ARSG: variants seen among roughly 807,000 people sequenced by gnomAD.
ARSG encodes the protein arylsulfatase G.
In ARSG, 37 loss-of-function variants were observed where a neutral mutation model predicts 50.5. That is an observed-to-expected ratio of 0.73 (90% CI 0.56 to 0.96). The LOEUF (loss-of-function observed/expected upper bound fraction) is 0.96. ARSG is among the 50% of genes least tolerant of loss of function. The probability of loss-of-function intolerance (pLI) is 0.00; values close to 1 mark genes in which losing one functional copy is unlikely to be tolerated. For missense variants in ARSG, 629 were observed against 675.3 expected (o/e 0.93, Z 0.76); for synonymous variants, 225 against 254.6 (o/e 0.88, Z 1.11).
At chr17:68,426,238 C>CGGGGGGGGGGGGGGG, downstream of ARSG, 2 of 615,190 alleles carry the variant, frequency 3.3e-6, no homozygotes, top group Non-Finnish European at 4.7e-6. Context: ...CATGACCTGG[C>CGGGGGGGGGGGGGGG]GGGTGGGGAG....
chr17:68,344,989 G>T (rs1279195883), intron 3 of ARSG, among the ~76,000 whole-genome samples: 1 of 152,174 alleles, frequency 6.6e-6, no homozygotes, highest in East Asian at 1.9e-4. Context: ...GGCATTCTTT[G>T]TCCCAGAAGG....
At chr17:68,266,900 T>G (rs2075177186) in intron 1 of ARSG, 1 of 152,092 alleles carries the variant, frequency 6.6e-6, no homozygotes, top group African/African-American at 2.4e-5. Flanking sequence ...AGTTAAAAGG[T>G]TTTGCAGAAG....
At chr17:68,398,462 A>G (rs2081345108) in intron 10 of ARSG, among the ~76,000 whole-genome samples, 1 of 152,228 alleles carries the variant, frequency 6.6e-6, no homozygotes, top group Admixed American at 6.5e-5. Context: ...TGTCTGTAAC[A>G]TATGCATACA....
chr17:68,319,140 G>A (rs2145814411), intron 2 of ARSG, among the ~76,000 whole-genome samples: 1 of 152,252 alleles, frequency 6.6e-6, no homozygotes, highest in African/African-American at 2.4e-5. Context: ...ACCAATATTA[G>A]GGAGAGCAGG....
intron 9 of ARSG, among the ~76,000 whole-genome samples, chr17:68,394,793 G>A (rs2081159998): frequency 6.6e-6 from 1 of 152,176 alleles, no homozygotes; most frequent in African/African-American, 2.4e-5. Context: ...ATTGAAAACT[G>A]AGGCATTGAG....
chr17:68,291,566 A>C lies in ARSG; in HGVS notation c.-554A>C, dbSNP rs1276258707. 1 of 149,662 alleles carries C rather than the reference A, an allele frequency of 6.7e-6. No homozygotes were observed. The highest frequency in any genetic ancestry group is 1.5e-5 in the Non-Finnish European group (1 of 67,294). 9.3% of individuals were successfully genotyped at this position (149,662 alleles called of 1,614,324 possible). A position where few individuals can be genotyped will look rare whatever the true frequency, so the allele number is the denominator to read the frequency against. ...CTGCCGCCTGGGCTGGGGGTCACGAAAGGTAACCGCGTCGCGGTCCGGGGC... is the reference window on the plus strand; with the variant it reads ...CTGCCGCCTGGGCTGGGGGTCACGACAGGTAACCGCGTCGCGGTCCGGGGC... On this transcript the variant is annotated splice_region_variant and 5_prime_UTR_variant, in exon 1 of 12. Transcript: ENST00000621439.
chr17:68,426,254 G>GGGGGGGGGGCCCCCCCCCCCC, downstream of ARSG: 1 of 816,914 alleles, frequency 1.2e-6, no homozygotes, highest in Non-Finnish European at 1.9e-6. Context: ...GGGAGCGGGG[G>GGGGGGGGGGCCCCCCCCCCCC]CTCAAATAAA....
chr17:68,263,840 G>T (rs1395783106), intron 1 of ARSG, among the ~76,000 whole-genome samples: 3 of 152,056 alleles, frequency 2.0e-5, no homozygotes, highest in African/African-American at 7.2e-5. Context: ...TAAGGATCAT[G>T]ATTTCTTTTT....
chr17:68,350,873 G>T (rs1168021126), intron 4 of ARSG, among the ~76,000 whole-genome samples: 1 of 152,136 alleles, frequency 6.6e-6, no homozygotes, highest in Non-Finnish European at 1.5e-5. Flanking sequence ...GAACTCAGAA[G>T]AAAACTTCAA....
At chr17:68,377,184 A>G (rs1377195326) in intron 8 of ARSG, among the ~76,000 whole-genome samples, 1 of 152,098 alleles carries the variant, frequency 6.6e-6, no homozygotes, top group Non-Finnish European at 1.5e-5. Flanking sequence ...CTTTATTCCA[A>G]CCACCTTATT....
At chr17:68,279,835 A>C (rs2075636180) in intron 1 of ARSG, among the ~76,000 whole-genome samples, 1 of 152,242 alleles carries the variant, frequency 6.6e-6, no homozygotes, top group Non-Finnish European at 1.5e-5. Flanking sequence ...TATCTATAAT[A>C]ATCAATGAGT....
intron 1 of ARSG, among the ~76,000 whole-genome samples, chr17:68,262,442 A>G (rs1481865876): frequency 1.4e-4 from 21 of 151,906 alleles, no homozygotes; most frequent in Admixed American, 2.0e-4. Flanking sequence ...CTGCACTCCA[A>G]CCTGGGCGAC....
chr17:68,443,406 C>T, the ARSG span, among the ~76,000 whole-genome samples: 1 of 152,210 alleles, frequency 6.6e-6, no homozygotes, highest in African/African-American at 2.4e-5. Context: ...AGCCACCGCA[C>T]CCGGCTAGCT....
At chr17:68,329,713 C>T (rs2077647363) in intron 2 of ARSG, among the ~76,000 whole-genome samples, 1 of 152,132 alleles carries the variant, frequency 6.6e-6, no homozygotes, top group South Asian at 2.1e-4. Flanking sequence ...GGACTAATCG[C>T]AGGGGTGTCT....
At chr17:68,437,012 A>ATGTGTGTGTG in the ARSG span, among the ~76,000 whole-genome samples, 339 of 82,060 alleles carry the variant, frequency 4.1e-3, 3 homozygotes, top group African/African-American at 0.015. Context: ...AAAAATATAT[A>ATGTGTGTGTG]TATATGTGTG....
At chr17:68,427,156 A>T (rs1160172279), downstream of ARSG, 16 of 1,613,954 alleles carry the variant, frequency 9.9e-6, no homozygotes, top group Non-Finnish European at 1.4e-5. Context: ...GAGGCTGAAG[A>T]TGCACTTGGT....
chr17:68,428,552 AC>A, the ARSG span: 1 of 286,364 alleles, frequency 3.5e-6, no homozygotes, highest in Non-Finnish European at 6.7e-6. Context: ...ATTTTTGAAC[AC>A]CCACTGTGAG....
chr17:68,449,634 TCCTGCTCCTGCCACGTAAGACG>T, the ARSG span, among the ~76,000 whole-genome samples: 1 of 152,176 alleles, frequency 6.6e-6, no homozygotes, highest in Non-Finnish European at 1.5e-5. Context: ...CGTCTCTTGG[TCCTGCTCCTGCCACGTAAGACG>T]CCTGCTCCCG....
the ARSG span, among the ~76,000 whole-genome samples, chr17:68,446,013 A>G: frequency 6.6e-6 from 1 of 152,190 alleles, no homozygotes; most frequent in Admixed American, 6.5e-5. Context: ...CTTTTATTCC[A>G]GGGAACATCA....
Sources: gnomAD v4.1 joint callset for allele counts (sites outside exome capture counted in the v4.1 genomes callset) on GRCh38, gnomAD v4.1.1 for gene constraint, MANE v1.5 for transcripts, NCBI Gene and HGNC (gene_info 2026-07-23, HGNC 2026-07-21) for gene names.